FGD5: variants seen among roughly 807,000 people sequenced by gnomAD.
The protein encoded by FGD5 is FYVE, RhoGEF and PH domain-containing protein 5.
Under a neutral mutation model 133.4 loss-of-function variants are expected in FGD5, and 28 were observed. That is an observed-to-expected ratio of 0.21 (90% CI 0.16 to 0.29). FGD5 has a LOEUF of 0.29. Ranked by LOEUF, FGD5 falls within the 10% of genes least tolerant of loss-of-function variation. The pLI is 1.00. For synonymous variants in FGD5, 810 were observed against 776.5 expected, an observed-to-expected ratio of 1.04 and a Z score of -0.72; for missense variants, 1,858 against 1,895.2, an observed-to-expected ratio of 0.98 and a Z score of 0.36.
intron 2 of FGD5, 95 bp downstream of exon 2, chr3:14,864,355 C>A: frequency 6.3e-7 from 1 of 1,577,810 alleles, no homozygotes; most frequent in Non-Finnish European, 8.7e-7. Context: ...GCGGACGGAG[C>A]TGTTTGCAGA....
At chr3:14,876,031 C>G (rs192073139) in intron 2 of FGD5, among the ~76,000 whole-genome samples, 63 of 152,234 alleles carry the variant, frequency 4.1e-4, no homozygotes, top group African/African-American at 1.5e-3. Flanking sequence ...AAAGGCCGAG[C>G]AGGTGTGGAC....
chr3:14,836,539 C>T (rs558635971), intron 1 of FGD5, among the ~76,000 whole-genome samples: 325 of 152,330 alleles, frequency 2.1e-3, no homozygotes, highest in African/African-American at 7.6e-3. Context: ...GCTTTGCCAG[C>T]CTTTGCCCGA....
chr3:14,829,252 C>A (rs999181244), intron 1 of FGD5, among the ~76,000 whole-genome samples: 2 of 152,164 alleles, frequency 1.3e-5, no homozygotes, highest in Non-Finnish European at 2.9e-5. Flanking sequence ...GTTGAGAACG[C>A]CTTGTATATC....
At chr3:14,874,016 C>G (rs1341763419) in intron 2 of FGD5, among the ~76,000 whole-genome samples, 4 of 152,152 alleles carry the variant, frequency 2.6e-5, no homozygotes, top group Non-Finnish European at 4.4e-5. Flanking sequence ...GCCACTGCGC[C>G]CAGCCAGACC....
rs138741627 is a variant in FGD5 at position 14,893,752 on chromosome 3, C to CTTTT, written c.2749-3740_2749-3737dup. ...TTTCTTTTTCTTTCTTTTCTTTTTT[C>CTTTT]TTTTTTTTTTTTTTTTTTTTGAGAC... is the stretch of plus-strand genomic sequence containing the variant. On this transcript the variant is annotated intron_variant, in intron 4 of 19. Coordinates refer to ENST00000285046, the MANE Select transcript of FGD5 (RefSeq NM_152536.4). Among the ~76,000 whole-genome samples, 544 of 95,008 alleles carry CTTTT rather than the reference C, an allele frequency of 5.7e-3. 5 individuals are homozygous for CTTTT. The highest frequency in any genetic ancestry group is 0.01 in the Middle Eastern group (1 of 100). The allele number at this position is 95,008 out of a possible 152,430, so 62.3% of individuals were successfully genotyped here. A position where few individuals can be genotyped will look rare whatever the true frequency, so the allele number is the denominator to read the frequency against.
At chr3:14,839,659 G>A (rs976573835) in intron 1 of FGD5, among the ~76,000 whole-genome samples, 2 of 152,150 alleles carry the variant, frequency 1.3e-5, no homozygotes, top group Non-Finnish European at 2.9e-5. Context: ...TTGGCCAGGC[G>A]CAGTGGCTCA....
chr3:14,870,498 T>C (rs1192719772), intron 2 of FGD5, among the ~76,000 whole-genome samples: 1 of 152,208 alleles, frequency 6.6e-6, no homozygotes, highest in Non-Finnish European at 1.5e-5. Context: ...CCTCACCTCC[T>C]TGGGAACAAA....
intron 9 of FGD5, among the ~76,000 whole-genome samples, chr3:14,905,222 T>G (rs1331513949): frequency 2.6e-5 from 4 of 152,172 alleles, no homozygotes; most frequent in African/African-American, 9.7e-5. Context: ...TGTACATCGT[T>G]TCTGGTGGAA....
rs1000136442 is a variant in FGD5, at chr3:14,819,517, G to T, written c.446G>T (p.Gly149Val). 6 of 1,551,340 alleles carry T rather than the reference G, an allele frequency of 3.9e-6. No homozygotes were observed. Among genetic ancestry groups the T allele is most frequent in the Non-Finnish European group, 4.4e-6 (5 of 1,146,978 alleles). ...TDLALEDEGE[G>V]CADEPGTLEQ... is the part of the protein sequence containing the mutation. ...CTTGCTCTTGAGGATGAAGGGGAGGGCTGCGCTGATGAGCCAGGGACACTG... is the reference window on the plus strand; with the variant it reads ...CTTGCTCTTGAGGATGAAGGGGAGGTCTGCGCTGATGAGCCAGGGACACTG... The change falls in exon 1 of 20, where the codon GGC becomes GTC. Residue 149 changes from glycine (G) to valine (V), a missense_variant. Physicochemically the swap from Gly to Val is moderately radical, Grantham distance 109. This residue lies in a region of FGD5 where 1,824 missense variants were observed against 1,848.9 expected (regional missense o/e 0.99). Transcript: ENST00000285046. The surrounding 1 kb of genome is among the most constrained non-coding windows in gnomAD (Gnocchi z 4.1).
At chr3:14,925,983 G>A (rs2038795581) in intron 17 of FGD5, 87 bp from the exon 18 acceptor site, 1 of 1,550,858 alleles carries the variant, frequency 6.4e-7, no homozygotes, top group East Asian at 2.3e-5. Context: ...TCAGCCAAAT[G>A]GTTTGCAGTG....
chr3:14,816,982 T>C (rs1252055446), upstream of FGD5, among the ~76,000 whole-genome samples: 2 of 152,208 alleles, frequency 1.3e-5, no homozygotes, highest in African/African-American at 4.8e-5. Context: ...TGCTGGACAG[T>C]ACCGTAGCCA....
intron 1 of FGD5, among the ~76,000 whole-genome samples, chr3:14,854,049 C>T (rs1436901818): frequency 6.6e-6 from 1 of 151,960 alleles, no homozygotes; most frequent in African/African-American, 2.4e-5. Context: ...TATGTCAGCC[C>T]CTGGCTGCTT....
In FGD5 at chr3:14,924,281, C is replaced by T. The variant is rs1166845413; in HGVS notation, c.4068+143C>T. ...AGCATTCCTAATGGAAGCATCCCAG[C>T]TACGAGGACCGACTTGACAGTGATG... On this transcript the variant is annotated intron_variant, in intron 17 of 19. Coordinates refer to ENST00000285046, the MANE Select transcript of FGD5 (RefSeq NM_152536.4). 16 of 1,261,576 alleles carry T rather than the reference C, an allele frequency of 1.3e-5. No individual in the cohort carries two copies. The South Asian group carries it at 2.2e-4, about 17-fold the overall frequency. 78.1% of individuals were successfully genotyped at this position (1,261,576 alleles called of 1,614,324 possible).
At chr3:14,822,831 C>T (rs914939415) in intron 1 of FGD5, among the ~76,000 whole-genome samples, 1 of 152,144 alleles carries the variant, frequency 6.6e-6, no homozygotes, top group African/African-American at 2.4e-5. Flanking sequence ...GCTAGGAATT[C>T]CTAGGGGACC....
At position 14,821,284 on chromosome 3, in the gene FGD5, C is replaced by T. The variant is rs574625203; in HGVS notation, c.2213C>T (p.Thr738Met). Residue 738 changes from threonine (T) to methionine (M), a missense_variant, in exon 1 of 20, where the codon ACG (threonine) becomes ATG (methionine). This residue lies in a region of FGD5 where 1,824 missense variants were observed against 1,848.9 expected (regional missense o/e 0.99). Coordinates refer to ENST00000285046, the MANE Select transcript of FGD5 (RefSeq NM_152536.4). ...AGGAAAGGTGTCCCCTTCAGCAGGA[C>T]GGTGTCCAGAGTGGAGTCCTTTGAA... is the stretch of plus-strand genomic sequence containing the variant. ...GKRKGVPFSRTVSRVESFEDR... is the reference protein window; with the variant it reads ...GKRKGVPFSRMVSRVESFEDR... The T allele has an allele frequency of 1.1e-5, 18 of 1,613,984 alleles. No individual in the cohort carries two copies. Among genetic ancestry groups the T allele is most frequent in the Non-Finnish European group, 1.4e-5 (16 of 1,179,896 alleles).
intron 1 of FGD5, among the ~76,000 whole-genome samples, chr3:14,832,931 G>T (rs2125078585): frequency 6.6e-6 from 1 of 152,338 alleles, no homozygotes; most frequent in Non-Finnish European, 1.5e-5. Context: ...TATGCAGAAG[G>T]TTTACGCTTC....
chr3:14,859,664 G>C (rs1420048670), intron 1 of FGD5, among the ~76,000 whole-genome samples: 1 of 152,130 alleles, frequency 6.6e-6, no homozygotes, highest in Non-Finnish European at 1.5e-5. Flanking sequence ...ACTTATTATT[G>C]ACTGCAGTCA....
chr3:14,816,799 G>A (rs1178669765), upstream of FGD5, among the ~76,000 whole-genome samples: 1 of 152,244 alleles, frequency 6.6e-6, no homozygotes, highest in Non-Finnish European at 1.5e-5. Flanking sequence ...ATGGATGTCA[G>A]TGGCTGGCCT....
At chr3:14,871,092 A>T (rs9819609) in intron 2 of FGD5, among the ~76,000 whole-genome samples, 2 of 152,218 alleles carry the variant, frequency 1.3e-5, no homozygotes, top group African/African-American at 4.8e-5. Flanking sequence ...ACAGGTCTCA[A>T]TTTGAATGTC....
Sources: allele counts gnomAD v4.1 joint callset (sites outside exome capture counted in the v4.1 genomes callset), GRCh38; gene constraint gnomAD v4.1.1; regional missense constraint gnomAD v4.1.1; non-coding constraint Gnocchi (gnomAD v3.1); transcripts MANE v1.5; gene names NCBI Gene and HGNC (gene_info 2026-07-23, HGNC 2026-07-21).